Variants in SP6 observed in about 807,000 individuals in gnomAD.
The protein encoded by SP6 is Sp6 transcription factor, also known as transcription factor Sp6.
A neutral mutation model predicts 23.4 loss-of-function variants in SP6; 10 were observed. The observed-to-expected ratio is 0.43, with a 90% confidence interval of 0.26 to 0.72. The LOEUF is 0.72. Ranked by LOEUF, SP6 falls within the 30% of genes least tolerant of loss-of-function variation. The pLI is 0.23. For synonymous variants in SP6, 238 were observed against 238.7 expected, an observed-to-expected ratio of 1.00 and a Z score of 0.03; for missense variants, 482 against 523.8, an observed-to-expected ratio of 0.92 and a Z score of 0.78.
rs1339036771 is a variant in SP6, at chr17:47,846,958, G to A, written c.*341C>T. On this transcript the variant is annotated 3_prime_UTR_variant, in exon 2 of 2. Transcript: ENST00000536300. The stretch of plus-strand genomic sequence containing the variant: ...CGGCCCCACTTCTCTCTGCTCCGGG[G>A]ACTGGGACTTGCTGTCTCCTCTAGC... The A allele has an allele frequency of 3.8e-6, 1 of 260,830 alleles. No homozygotes were observed. Among genetic ancestry groups the A allele is most frequent in the African/African-American group, 2.2e-5 (1 of 44,940 alleles). The allele number at this position is 260,830 out of a possible 1,614,324, so 16.2% of individuals were successfully genotyped here.
rs909655425 is a variant in SP6, at chr17:47,847,382, C to T, written c.1048G>A (p.Glu350Lys). 1 of 1,612,114 alleles carries T rather than the reference C, an allele frequency of 6.2e-7. No homozygotes were observed. The highest frequency in any genetic ancestry group is 8.5e-7 in the Non-Finnish European group (1 of 1,179,408). ...TCCACTGCGCCGCCGGCCTTGCCCT[C>T]TCCCGAGGCCGCCCCAGCCGCCTCC... ...KEEAAGAASG[E>K]GKAGGAVEPP... The change falls in exon 2 of 2, where the codon GAG becomes AAG. Residue 350 changes from glutamate (E) to lysine (K), a missense_variant. By Grantham distance (56) the Glu-to-Lys change is moderately conservative. This residue lies in a region of SP6 where 101 missense variants were observed against 99.3 expected (regional missense o/e 1.02). Coordinates refer to ENST00000536300, the MANE Select transcript of SP6 (RefSeq NM_001258248.2).
At chr17:47,863,104 G>A in the SP6 span, among the ~76,000 whole-genome samples, 1 of 152,240 alleles carries the variant, frequency 6.6e-6, no homozygotes, top group African/African-American at 2.4e-5. Flanking sequence ...GCTGCCCCTT[G>A]GACCACAGCA....
At chr17:47,867,456 G>A in the SP6 span, among the ~76,000 whole-genome samples, 1 of 152,204 alleles carries the variant, frequency 6.6e-6, no homozygotes, top group African/African-American at 2.4e-5. Context: ...TACCTCTAGA[G>A]GACTTGGGTT....
At chr17:47,871,334 A>G in the SP6 span, among the ~76,000 whole-genome samples, 1 of 152,218 alleles carries the variant, frequency 6.6e-6, no homozygotes, top group African/African-American at 2.4e-5. Context: ...ATAACTTAAG[A>G]GTCTTGGCTC....
chr17:47,848,329 C>T lies in SP6; in HGVS notation c.101G>A (p.Gly34Asp), dbSNP rs1567961200. 6 of 1,609,134 alleles carry T rather than the reference C, an allele frequency of 3.7e-6. No individual in the cohort carries two copies. Among genetic ancestry groups the T allele is most frequent in the Middle Eastern group, 3.4e-4 (2 of 5,802 alleles). The change falls in exon 2 of 2, where the codon GGC becomes GAC. Residue 34 changes from glycine (G) to aspartate (D), a missense_variant. This residue lies in a region of SP6 where 330 missense variants were observed against 332.3 expected (regional missense o/e 0.99). Coordinates refer to ENST00000536300, the MANE Select transcript of SP6 (RefSeq NM_001258248.2). This position sits in a 1 kb window ranked among gnomAD's most constrained non-coding sequence, Gnocchi z 5.3. ...GTCCCCGGCCTCAGGGCTCGTGTGG[C>T]CCTGGTAAGTTTGGAGAGGCTGCAG... is the stretch of plus-strand genomic sequence containing the variant. ...LDLQPLQTYQ[G>D]HTSPEAGDYP...
chr17:47,847,370 C>A lies in SP6; in HGVS notation c.1060G>T (p.Gly354Cys), dbSNP rs1422060146. ...CCCCCGGGGGGCTCCACTGCGCCGC[C>A]GGCCTTGCCCTCTCCCGAGGCCGCC... ...AGAASGEGKAGGAVEPPGGKG... is the reference protein window; with the variant it reads ...AGAASGEGKACGAVEPPGGKG... The change falls in exon 2 of 2, where the codon GGC becomes TGC. Residue 354 changes from glycine (G) to cysteine (C), a missense_variant. Gly to Cys is a radical substitution (Grantham distance 159). Coordinates refer to ENST00000536300, the MANE Select transcript of SP6 (RefSeq NM_001258248.2). 1 of 1,609,392 alleles carries A rather than the reference C, an allele frequency of 6.2e-7. No homozygotes were observed. Among genetic ancestry groups the A allele is most frequent in the Non-Finnish European group, 8.5e-7 (1 of 1,178,024 alleles).
chr17:47,865,827 C>G, the SP6 span, among the ~76,000 whole-genome samples: 1 of 152,086 alleles, frequency 6.6e-6, no homozygotes, highest in African/African-American at 2.4e-5. Context: ...CCATGCTGCC[C>G]CAAACATACC....
intron 1 of SP6, among the ~76,000 whole-genome samples, chr17:47,850,390 G>C (rs1194876669): frequency 6.6e-6 from 1 of 152,162 alleles, no homozygotes; most frequent in Non-Finnish European, 1.5e-5. Flanking sequence ...CAGGAGAATA[G>C]AGGAGGGGGC....
At chr17:47,870,430 G>T in the SP6 span, among the ~76,000 whole-genome samples, 1 of 152,060 alleles carries the variant, frequency 6.6e-6, no homozygotes, top group Non-Finnish European at 1.5e-5. Context: ...TGACATCCCT[G>T]CTTCTTTCTC....
chr17:47,862,361 A>AG, the SP6 span, among the ~76,000 whole-genome samples: 1 of 150,346 alleles, frequency 6.7e-6, no homozygotes, highest in Non-Finnish European at 1.5e-5. Context: ...AAAAAAAAAA[A>AG]ATTGGGTGTG....
chr17:47,860,256 A>C (rs937344639), upstream of SP6, among the ~76,000 whole-genome samples: 39 of 152,174 alleles, frequency 2.6e-4, no homozygotes, highest in African/African-American at 9.2e-4. Flanking sequence ...GGATCTTTTA[A>C]ATCCCAACTC....
the SP6 span, among the ~76,000 whole-genome samples, chr17:47,865,501 G>A: frequency 6.6e-6 from 1 of 152,094 alleles, no homozygotes; most frequent in African/African-American, 2.4e-5. Flanking sequence ...GCCACCCTGG[G>A]GAAGGCTCCA....
chr17:47,873,946 TCC>T, the SP6 span, among the ~76,000 whole-genome samples: 2 of 148,812 alleles, frequency 1.3e-5, no homozygotes, highest in Admixed American at 1.3e-4. Flanking sequence ...TTCTCCCTTC[TCC>T]CCTCTTCCCT....
chr17:47,867,481 A>G, the SP6 span, among the ~76,000 whole-genome samples: 2 of 152,108 alleles, frequency 1.3e-5, no homozygotes, highest in East Asian at 1.9e-4. Context: ...ACCAAAACTT[A>G]TTTGCTTTTT....
chr17:47,847,025 A>G lies in SP6; in HGVS notation c.*274T>C, dbSNP rs1001760055. On this transcript the variant is annotated 3_prime_UTR_variant, in exon 2 of 2. Coordinates refer to ENST00000536300, the MANE Select transcript of SP6 (RefSeq NM_001258248.2). The stretch of plus-strand genomic sequence containing the variant: ...GCCGCGGTACGGGTGTCCCACCCCA[A>G]CCCCCCAGCCCAGGGGCGAGGGAAA... 23 of 456,164 alleles carry G rather than the reference A, an allele frequency of 5.0e-5. No homozygotes were observed. The highest frequency in any genetic ancestry group is 4.4e-4 in the African/African-American group (22 of 49,736). 28.3% of individuals were successfully genotyped at this position (456,164 alleles called of 1,614,324 possible). A position where few individuals can be genotyped will look rare whatever the true frequency, so the allele number is the denominator to read the frequency against.
In SP6 at chr17:47,845,383, T is replaced by C. The variant is rs2033874217; in HGVS notation, c.*1916A>G. On this transcript the variant is annotated 3_prime_UTR_variant, in exon 2 of 2. Transcript: ENST00000536300. The stretch of plus-strand genomic sequence containing the variant: ...TCTCAGCAAGGAAGGGGATCTCTGG[T>C]TGGGTTAGCAGGAGGTAGGGAAAAG... 1 of 152,204 alleles carries C rather than the reference T, an allele frequency of 6.6e-6. No homozygotes were observed. Among genetic ancestry groups the C allele is most frequent in the South Asian group, 2.1e-4 (1 of 4,832 alleles). 9.4% of individuals were successfully genotyped at this position (152,204 alleles called of 1,614,324 possible). A position where few individuals can be genotyped will look rare whatever the true frequency, so the allele number is the denominator to read the frequency against.
chr17:47,857,751 C>A (rs913127495), upstream of SP6, among the ~76,000 whole-genome samples: 9 of 152,094 alleles, frequency 5.9e-5, no homozygotes, highest in African/African-American at 1.9e-4. Flanking sequence ...GGGTGCCATG[C>A]GGCCTGTAGC....
chr17:47,874,938 G>A, the SP6 span, among the ~76,000 whole-genome samples: 1 of 152,122 alleles, frequency 6.6e-6, no homozygotes, highest in Admixed American at 6.5e-5. Context: ...GTGGTCAGCA[G>A]GAGCCATTCC....
the SP6 span, among the ~76,000 whole-genome samples, chr17:47,872,729 C>T: frequency 2.0e-5 from 3 of 152,300 alleles, no homozygotes; most frequent in East Asian, 1.9e-4. Flanking sequence ...TCTCACCAGC[C>T]CCCCGGCGGC....
Sources: gnomAD v4.1 joint callset for allele counts (sites outside exome capture counted in the v4.1 genomes callset) on GRCh38, gnomAD v4.1.1 for gene constraint, gnomAD v4.1.1 regional missense constraint, Gnocchi (gnomAD v3.1) non-coding constraint, MANE v1.5 for transcripts, NCBI Gene and HGNC (gene_info 2026-07-23, HGNC 2026-07-21) for gene names.